The following SPIDR variants were observed in gnomAD, a reference collection of about 807,000 sequenced individuals.
SPIDR encodes the protein scaffold protein involved in DNA repair.
In SPIDR, 93 loss-of-function variants were observed where a neutral mutation model predicts 104.6. The ratio of observed to expected loss-of-function variants is 0.89; its 90% CI spans 0.75 to 1.06. SPIDR has a LOEUF of 1.06. Among genes scored for constraint, SPIDR ranks in the 50% least tolerant of loss-of-function variants. The pLI, the probability that SPIDR is intolerant of heterozygous loss-of-function variation, is 0.00. For missense variants in SPIDR, 1,154 were observed against 1,111.2 expected, an observed-to-expected ratio of 1.04 and a Z score of -0.55; for synonymous variants, 431 against 416.9, an observed-to-expected ratio of 1.03 and a Z score of -0.41.
At chr8:47,298,328 G>A (rs1366385217) in intron 5 of SPIDR, among the ~76,000 whole-genome samples, 1 of 151,932 alleles carries the variant, frequency 6.6e-6, no homozygotes, top group Admixed American at 6.6e-5. Flanking sequence ...AAATTTGTTT[G>A]AGTTCATTGT....
chr8:47,685,497 A>ATTTTTTTTTTTTTTTTTTTT (rs1383864694), intron 11 of SPIDR, among the ~76,000 whole-genome samples: 3 of 113,130 alleles, frequency 2.7e-5, no homozygotes, highest in Non-Finnish European at 4.3e-5. Flanking sequence ...TTATTTATTT[A>ATTTTTTTTTTTTTTTTTTTT]TTTATTTATT....
At chr8:47,466,686 C>A (rs1263364425) in intron 8 of SPIDR, among the ~76,000 whole-genome samples, 1 of 149,616 alleles carries the variant, frequency 6.7e-6, no homozygotes, top group East Asian at 1.9e-4. Context: ...CATGGTGAAA[C>A]CCCGTCTCTA....
intron 1 of SPIDR, among the ~76,000 whole-genome samples, chr8:47,262,902 G>C (rs572140349): frequency 5.3e-5 from 8 of 152,298 alleles, no homozygotes; most frequent in African/African-American, 1.7e-4. Flanking sequence ...CATCTTCAGA[G>C]GTGACTTTCC....
Position 47,278,649 on chromosome 8 carries a change from C to T in SPIDR, c.34-1213C>T, listed in dbSNP as rs1554556151. 6.6e-3 allele frequency among the ~76,000 whole-genome samples: 1,006 copies of T among 151,992 alleles called. 3 individuals carry two copies. Among genetic ancestry groups the T allele is most frequent in the Non-Finnish European group, 9.9e-3 (673 of 67,946 alleles). On this transcript the variant is annotated intron_variant, in intron 1 of 19. Transcript: ENST00000297423. ...TTTGAGATAGAGTCTTGCTCTGTCACCAGGCTGGAGTGCAGTGGCAGGCTC... is the reference window on the plus strand; with the variant it reads ...TTTGAGATAGAGTCTTGCTCTGTCATCAGGCTGGAGTGCAGTGGCAGGCTC...
chr8:47,558,665 A>C (rs191155144), intron 8 of SPIDR, among the ~76,000 whole-genome samples: 290 of 151,632 alleles, frequency 1.9e-3, no homozygotes, highest in African/African-American at 6.9e-3. Context: ...TTTGAGAAGG[A>C]GTCTCGCTCT....
intron 5 of SPIDR, among the ~76,000 whole-genome samples, chr8:47,331,628 C>T (rs1554604576): frequency 6.6e-6 from 1 of 152,150 alleles, no homozygotes; most frequent in African/African-American, 2.4e-5. Context: ...AGGCCTAGGA[C>T]ATTACCATAC....
rs1298273776 is a variant in SPIDR at position 47,735,791 on chromosome 8, T to C, written c.*341T>C. 2.1e-6 allele frequency: 1 copy of C among 481,206 alleles called. No homozygotes were observed. The highest frequency in any genetic ancestry group is 3.7e-6 in the Non-Finnish European group (1 of 270,438). 29.8% of individuals were successfully genotyped at this position (481,206 alleles called of 1,614,324 possible). A position where few individuals can be genotyped will look rare whatever the true frequency, so the allele number is the denominator to read the frequency against. On this transcript the variant is annotated 3_prime_UTR_variant, in exon 20 of 20. Coordinates refer to ENST00000297423, the MANE Select transcript of SPIDR (RefSeq NM_001080394.4). ...TGTAATTTTAACAAGTTGAACATTTTACCATGATTGAACATGTTTTTATTA... is the reference window on the plus strand; with the variant it reads ...TGTAATTTTAACAAGTTGAACATTTCACCATGATTGAACATGTTTTTATTA...
At chr8:47,631,674 T>G (rs1347262916) in intron 10 of SPIDR, among the ~76,000 whole-genome samples, 4 of 152,242 alleles carry the variant, frequency 2.6e-5, no homozygotes, top group African/African-American at 9.6e-5. Flanking sequence ...CTCTTCAAAG[T>G]CACTGTTCAC....
chr8:47,639,634 T>C (rs1233240427), intron 10 of SPIDR, among the ~76,000 whole-genome samples: 1 of 152,242 alleles, frequency 6.6e-6, no homozygotes, highest in Non-Finnish European at 1.5e-5. Context: ...GATGAATCTT[T>C]TCTATCCAAC....
intron 5 of SPIDR, among the ~76,000 whole-genome samples, chr8:47,384,385 T>C (rs1313864505): frequency 6.6e-6 from 1 of 152,250 alleles, no homozygotes; most frequent in Non-Finnish European, 1.5e-5. Flanking sequence ...TACGTAAGAC[T>C]GATGAAACCT....
At chr8:47,343,975 T>A (rs1301019870) in intron 5 of SPIDR, among the ~76,000 whole-genome samples, 5 of 145,090 alleles carry the variant, frequency 3.4e-5, no homozygotes, top group African/African-American at 4.9e-5. Context: ...TTTTTTTTTT[T>A]ATTATTATTA....
chr8:47,404,902 A>G (rs2062500238), intron 6 of SPIDR, among the ~76,000 whole-genome samples: 2 of 152,184 alleles, frequency 1.3e-5, no homozygotes, highest in African/African-American at 4.8e-5. Flanking sequence ...ACACATTGAC[A>G]CGTATGTTTA....
intron 7 of SPIDR, among the ~76,000 whole-genome samples, chr8:47,439,004 A>G (rs2068877471): frequency 6.6e-6 from 1 of 152,244 alleles, no homozygotes; most frequent in African/African-American, 2.4e-5. Context: ...AGTATCTGTT[A>G]TTAACAAGGC....
At chr8:47,576,768 C>T (rs1337671766) in intron 8 of SPIDR, among the ~76,000 whole-genome samples, 1 of 152,166 alleles carries the variant, frequency 6.6e-6, no homozygotes, top group Non-Finnish European at 1.5e-5. Flanking sequence ...TCTAATGGAT[C>T]AAATACCTTC....
chr8:47,601,718 A>G (rs2062315722), intron 10 of SPIDR, among the ~76,000 whole-genome samples: 1 of 152,128 alleles, frequency 6.6e-6, no homozygotes, highest in Non-Finnish European at 1.5e-5. Flanking sequence ...AAATTGAGTT[A>G]GAACCAAGCC....
chr8:47,570,303 A>T (rs1317947870), intron 8 of SPIDR, among the ~76,000 whole-genome samples: 1 of 152,228 alleles, frequency 6.6e-6, no homozygotes, highest in Non-Finnish European at 1.5e-5. Context: ...TACCAAGATC[A>T]TTCAAGGGGG....
chr8:47,673,652 T>TTC lies in SPIDR; in HGVS notation c.1545-149_1545-148insTC, dbSNP rs2076067293. On this transcript the variant is annotated intron_variant, in intron 10 of 19. Transcript: ENST00000297423. ...GACTACAGTGGATTTCTTTTTTTTT[T>TTC]CCCCCCTTGGTTTTTCTTTACTTTC... 17 of 1,029,428 alleles carry TTC rather than the reference T, an allele frequency of 1.7e-5. No homozygotes were observed. In the East Asian group the frequency reaches 3.9e-4, roughly 24 times the overall value. 63.8% of individuals were successfully genotyped at this position (1,029,428 alleles called of 1,614,324 possible).
chr8:47,701,673 A>G (rs1383859616), intron 12 of SPIDR, 48 bp from the exon 13 acceptor site: 2 of 1,564,542 alleles, frequency 1.3e-6, no homozygotes, highest in Non-Finnish European at 1.7e-6. Flanking sequence ...CCTCTTTTTG[A>G]GTCTTTTAAC....
chr8:47,433,019 A>G (rs2067634242), intron 7 of SPIDR, among the ~76,000 whole-genome samples: 1 of 152,172 alleles, frequency 6.6e-6, no homozygotes, highest in African/African-American at 2.4e-5. Context: ...GTATTCTCAT[A>G]CTACCTGCAC....
Sources: allele counts gnomAD v4.1 joint callset (sites outside exome capture counted in the v4.1 genomes callset), GRCh38; gene constraint gnomAD v4.1.1; transcripts MANE v1.5; gene names NCBI Gene and HGNC (gene_info 2026-07-23, HGNC 2026-07-21).